ALPK2: variants seen among roughly 807,000 people sequenced by gnomAD.
The protein encoded by ALPK2 is alpha kinase 2, also known as alpha-protein kinase 2.
Under a neutral mutation model 163.1 loss-of-function variants are expected in ALPK2, and 127 were observed. The observed-to-expected ratio is 0.78, with a 90% confidence interval of 0.67 to 0.90. The LOEUF is 0.90. Among genes scored for constraint, ALPK2 ranks in the 40% least tolerant of loss-of-function variants. The pLI is 0.00. For synonymous variants in ALPK2, 953 were observed against 959.1 expected (o/e 0.99, Z 0.12); for missense variants, 2,360 against 2,589.6 (o/e 0.91, Z 1.92).
chr18:58,494,024 C>A (rs1324904196), intron 12 of ALPK2, among the ~76,000 whole-genome samples: 1 of 152,178 alleles, frequency 6.6e-6, no homozygotes, highest in Non-Finnish European at 1.5e-5. Flanking sequence ...CGGGAACTCC[C>A]CGACTGGCTG....
intron 8 of ALPK2, among the ~76,000 whole-genome samples, chr18:58,522,610 C>T (rs2051560996): frequency 6.6e-6 from 1 of 152,208 alleles, no homozygotes; most frequent in South Asian, 2.1e-4. Flanking sequence ...AGTGATCCTT[C>T]AGACACCTGG....
intron 10 of ALPK2, among the ~76,000 whole-genome samples, chr18:58,506,630 T>C (rs1012813334): frequency 3.3e-5 from 5 of 152,226 alleles, no homozygotes; most frequent in East Asian, 1.9e-4. Flanking sequence ...GGGTCAGCCG[T>C]TGGGGAAGGT....
chr18:58,530,518 T>G (rs949979155), intron 5 of ALPK2, among the ~76,000 whole-genome samples: 11 of 152,208 alleles, frequency 7.2e-5, no homozygotes, highest in African/African-American at 2.7e-4. Context: ...CTGGGCCATT[T>G]CCTAGAGGGT....
chr18:58,590,781 T>C (rs1260934021), intron 3 of ALPK2, among the ~76,000 whole-genome samples: 2 of 152,196 alleles, frequency 1.3e-5, no homozygotes, highest in Non-Finnish European at 2.9e-5. Context: ...TTTACCAATT[T>C]ATTCAGTTAT....
chr18:58,538,319 C>G, intron 4 of ALPK2, 95 bp from the exon 5 acceptor site: 1 of 1,055,570 alleles, frequency 9.5e-7, no homozygotes, highest in South Asian at 1.5e-5. Context: ...CCTCAATGAC[C>G]GTAATAATGG....
At chr18:58,608,741 TAGGCATTTAAGACC>T (rs777914636) in intron 2 of ALPK2, among the ~76,000 whole-genome samples, 1 of 152,006 alleles carries the variant, frequency 6.6e-6, no homozygotes, top group Non-Finnish European at 1.5e-5. Flanking sequence ...CACTTGAGTC[TAGGCATTTAAGACC>T]AGTCTGGGCC....
rs1242431911 is a variant in ALPK2, at chr18:58,504,131, A to G, written c.6047T>C (p.Leu2016Pro). Reference sequence around the variant, plus strand: ...GATATTGTTCTCAGGCCGATGGATAAGAAAAATAGGAATGATCCTGGCAGG... The same window carrying G: ...GATATTGTTCTCAGGCCGATGGATAGGAAAAATAGGAATGATCCTGGCAGG... ...GEVPEIIPIF[L>P]IHRPENNIPY... Residue 2016 changes from leucine to proline, a missense_variant, in exon 11 of 13, where the codon CTT becomes CCT. By Grantham distance (98) the Leu-to-Pro change is moderately conservative. Transcript: ENST00000361673. 1.9e-6 allele frequency: 3 copies of G among 1,614,108 alleles called. No homozygotes were observed. The highest frequency in any genetic ancestry group is 1.1e-5 in the South Asian group (1 of 91,084).
chr18:58,595,241 ACCTGACCCATTACATAGTT>A (rs1313788467), intron 3 of ALPK2, among the ~76,000 whole-genome samples: 1 of 151,678 alleles, frequency 6.6e-6, no homozygotes, highest in Non-Finnish European at 1.5e-5. Flanking sequence ...ATCTTTTTTC[ACCTGACCCATTACATAGTT>A]CCTGGTGTGT....
intron 4 of ALPK2, among the ~76,000 whole-genome samples, chr18:58,568,062 C>G (rs911501604): frequency 6.6e-6 from 1 of 152,188 alleles, no homozygotes; most frequent in African/African-American, 2.4e-5. Context: ...CCTGGGCAGT[C>G]CAAGTGAGTT....
intron 12 of ALPK2, among the ~76,000 whole-genome samples, chr18:58,486,868 A>G (rs1197778580): frequency 6.6e-6 from 1 of 152,218 alleles, no homozygotes; most frequent in Non-Finnish European, 1.5e-5. Context: ...TGATTATCCC[A>G]GATTCATTCA....
At chr18:58,589,099 A>G (rs1222765027) in intron 3 of ALPK2, among the ~76,000 whole-genome samples, 1 of 152,218 alleles carries the variant, frequency 6.6e-6, no homozygotes, top group Non-Finnish European at 1.5e-5. Flanking sequence ...GGAAGCCTGG[A>G]TACACTGTCA....
intron 1 of ALPK2, among the ~76,000 whole-genome samples, chr18:58,620,243 A>T (rs1431353379): frequency 1.3e-5 from 2 of 152,206 alleles, no homozygotes; most frequent in Non-Finnish European, 2.9e-5. Context: ...GAGAGCCGAG[A>T]TCACGCCATT....
At chr18:58,586,768 AT>A (rs1324055935) in intron 3 of ALPK2, among the ~76,000 whole-genome samples, 1 of 151,008 alleles carries the variant, frequency 6.6e-6, no homozygotes, top group Non-Finnish European at 1.5e-5. Flanking sequence ...AAAAAAAAAA[AT>A]TATACAGACA....
chr18:58,544,151 A>G (rs2051705528), intron 4 of ALPK2: 1 of 152,222 alleles, frequency 6.6e-6, no homozygotes, highest in Admixed American at 6.5e-5. Flanking sequence ...ACAGGAGGGG[A>G]AAGGGTAAAC....
intron 1 of ALPK2, among the ~76,000 whole-genome samples, chr18:58,628,230 C>CAAATTGCATTA (rs1050479913): frequency 2.6e-5 from 4 of 152,088 alleles, no homozygotes; most frequent in African/African-American, 4.8e-5. Context: ...AGCTTTTCAG[C>CAAATTGCATTA]AAATTGCATT....
chr18:58,574,895 T>A (rs1323194680), intron 4 of ALPK2, among the ~76,000 whole-genome samples: 2 of 152,082 alleles, frequency 1.3e-5, no homozygotes, highest in Non-Finnish European at 2.9e-5. Context: ...GGCCATAAAG[T>A]GGTGGAGACC....
chr18:58,623,910 A>C (rs1374760810), intron 1 of ALPK2, among the ~76,000 whole-genome samples: 1 of 152,212 alleles, frequency 6.6e-6, no homozygotes, highest in African/African-American at 2.4e-5. Context: ...AAATCTTTAA[A>C]GTATAAATGC....
intron 4 of ALPK2, among the ~76,000 whole-genome samples, chr18:58,554,002 C>G (rs1262732637): frequency 1.3e-5 from 2 of 151,866 alleles, no homozygotes; most frequent in African/African-American, 2.4e-5. Context: ...CCTGGGAATA[C>G]AGGTGTGCGC....
At chr18:58,566,521 T>C (rs1453517146) in intron 4 of ALPK2, 1 of 152,216 alleles carries the variant, frequency 6.6e-6, no homozygotes, top group Non-Finnish European at 1.5e-5. Context: ...ACAGAGGCCA[T>C]GTCTCGCATT....
Sources: allele counts gnomAD v4.1 joint callset (sites outside exome capture counted in the v4.1 genomes callset), GRCh38; gene constraint gnomAD v4.1.1; transcripts MANE v1.5; gene names NCBI Gene and HGNC (gene_info 2026-07-23, HGNC 2026-07-21).